The following CLXN variants were observed in gnomAD, a reference collection of about 807,000 sequenced individuals.
CLXN encodes EF-hand calcium binding domain 1.
the CLXN span, chr8:48,729,569 T>A: frequency 1.3e-6 from 1 of 776,270 alleles, no homozygotes; most frequent in East Asian, 2.8e-5. Flanking sequence ...GTGGTGAAAC[T>A]GAAAAGAACT....
chr8:48,723,497 A>G, the CLXN span: 1 of 152,190 alleles, frequency 6.6e-6, no homozygotes, highest in Non-Finnish European at 1.5e-5. Context: ...AACTTAATGC[A>G]TATGTAGTAA....
chr8:48,734,948 G>A, the CLXN span: 1 of 899,406 alleles, frequency 1.1e-6, no homozygotes, highest in Non-Finnish European at 1.7e-6. Flanking sequence ...TCTGACTTCT[G>A]CTTAAGGGGC....
At chr8:48,724,069 G>GT in the CLXN span, 5 of 152,140 alleles carry the variant, frequency 3.3e-5, no homozygotes, top group Non-Finnish European at 7.4e-5. Context: ...CCAATCTACA[G>GT]TAATTATGGA....
chr8:48,729,353 C>T, the CLXN span, among the ~76,000 whole-genome samples: 1 of 151,470 alleles, frequency 6.6e-6, no homozygotes, highest in Admixed American at 6.6e-5. Context: ...AGTGAGACCT[C>T]ATCTCTATTA....
the CLXN span, among the ~76,000 whole-genome samples, chr8:48,718,917 C>G: frequency 6.6e-6 from 1 of 151,688 alleles, no homozygotes. Flanking sequence ...ACAAACTAAG[C>G]CCAAAGTTAG....
At chr8:48,730,148 A>G in the CLXN span, 31 of 349,442 alleles carry the variant, frequency 8.9e-5, no homozygotes, top group East Asian at 1.4e-3. Flanking sequence ...ATGGCTCATA[A>G]GCAGAGTTCA....
the CLXN span, among the ~76,000 whole-genome samples, chr8:48,731,767 G>A: frequency 1.8e-4 from 28 of 152,192 alleles, no homozygotes; most frequent in South Asian, 3.9e-3. Context: ...TGGTGGTGTC[G>A]GATTCTAAAC....
chr8:48,730,081 C>G, the CLXN span: 1 of 429,614 alleles, frequency 2.3e-6, no homozygotes, highest in South Asian at 6.4e-5. Context: ...AAAAGCATAC[C>G]AAGGAACAGT....
the CLXN span, chr8:48,730,634 A>T: frequency 6.2e-7 from 1 of 1,605,026 alleles, no homozygotes; most frequent in Non-Finnish European, 8.5e-7. Context: ...CTTTATCAAA[A>T]CCTCGGAATA....
the CLXN span, among the ~76,000 whole-genome samples, chr8:48,732,829 A>C: frequency 6.6e-6 from 1 of 152,216 alleles, no homozygotes; most frequent in African/African-American, 2.4e-5. Flanking sequence ...TGGATATTGC[A>C]CTTAGTCAAA....
the CLXN span, chr8:48,731,511 A>G: frequency 6.3e-7 from 1 of 1,584,980 alleles, no homozygotes; most frequent in African/African-American, 1.4e-5. Flanking sequence ...TAACTGAAAT[A>G]ATAAAATAGA....
chr8:48,712,755 C>T, the CLXN span, among the ~76,000 whole-genome samples: 2 of 152,072 alleles, frequency 1.3e-5, no homozygotes, highest in Non-Finnish European at 2.9e-5. Flanking sequence ...AATCCCAGCA[C>T]ATTGGGAGGC....
At chr8:48,729,101 C>A in the CLXN span, 1 of 1,613,342 alleles carries the variant, frequency 6.2e-7, no homozygotes, top group Non-Finnish European at 8.5e-7. Flanking sequence ...TCTCTCACAG[C>A]CAGTTCATAG....
chr8:48,727,451 T>G, the CLXN span, among the ~76,000 whole-genome samples: 1 of 151,824 alleles, frequency 6.6e-6, no homozygotes, highest in Non-Finnish European at 1.5e-5. Flanking sequence ...GTTAAGATGG[T>G]CAAGACAGGG....
At chr8:48,733,000 A>T in the CLXN span, among the ~76,000 whole-genome samples, 10 of 152,152 alleles carry the variant, frequency 6.6e-5, no homozygotes, top group African/African-American at 1.9e-4. Context: ...GGAACAATGA[A>T]CAAGTTACGG....
At chr8:48,727,409 A>G in the CLXN span, among the ~76,000 whole-genome samples, 1 of 152,200 alleles carries the variant, frequency 6.6e-6, no homozygotes, top group African/African-American at 2.4e-5. Flanking sequence ...TAAAAGAAAG[A>G]AAGAAGGGCT....
chr8:48,724,805 T>TA, the CLXN span: 16 of 1,608,108 alleles, frequency 9.9e-6, no homozygotes, highest in African/African-American at 1.3e-5. Flanking sequence ...TCTGGCTCTG[T>TA]AAAAAAAGGT....
chr8:48,722,145 A>G, the CLXN span, among the ~76,000 whole-genome samples: 1 of 152,156 alleles, frequency 6.6e-6, no homozygotes, highest in East Asian at 1.9e-4. Context: ...TGGGCAAAAA[A>G]CCTGACTACG....
chr8:48,715,358 C>G, the CLXN span: 1 of 152,164 alleles, frequency 6.6e-6, no homozygotes. Context: ...ACAAAAATAG[C>G]TCTGAGAATA....
Sources: allele counts gnomAD v4.1 joint callset (sites outside exome capture counted in the v4.1 genomes callset), GRCh38; gene constraint gnomAD v4.1.1; transcripts MANE v1.5; gene names NCBI Gene and HGNC (gene_info 2026-07-23, HGNC 2026-07-21).